TOX3: variants seen among roughly 807,000 people sequenced by gnomAD.
TOX3 encodes CAG trinucleotide repeat-containing gene F9 protein.
TOX3 carries 22 observed loss-of-function variants against 64.3 expected under a neutral mutation model. The ratio of observed to expected loss-of-function variants is 0.34; its 90% CI spans 0.24 to 0.49. The LOEUF is 0.49. Ranked by LOEUF, TOX3 falls within the 20% of genes least tolerant of loss-of-function variation. TOX3 has a pLI of 0.99. For synonymous variants in TOX3, 291 were observed against 273.6 expected (o/e 1.06, Z -0.63); for missense variants, 661 against 714.4 (o/e 0.93, Z 0.85).
Position 52,483,564 on chromosome 16 carries a change from G to GTTTTTTTT in TOX3, c.88-14998_88-14991dup, listed in dbSNP as rs11304815. 2.1e-4 allele frequency among the ~76,000 whole-genome samples: 21 copies of GTTTTTTTT among 99,442 alleles called. 1 individual carries two copies. The highest frequency in any genetic ancestry group is 3.2e-4 in the African/African-American group (8 of 24,714). The allele number at this position is 99,442 out of a possible 152,430, so 65.2% of individuals were successfully genotyped here. A position where few individuals can be genotyped will look rare whatever the true frequency, so the allele number is the denominator to read the frequency against. On this transcript the variant is annotated intron_variant, in intron 1 of 6. Transcript: ENST00000219746. ...TTCCTCTATTAGACAGGGCAGTTTG[G>GTTTTTTTT]TTTTTTTTTTTTTTTTTTTTTTGAG... is the stretch of plus-strand genomic sequence containing the variant.
At chr16:52,478,618 C>T (rs959682884) in intron 1 of TOX3, among the ~76,000 whole-genome samples, 2 of 152,148 alleles carry the variant, frequency 1.3e-5, no homozygotes, top group Non-Finnish European at 2.9e-5. Flanking sequence ...GAGTATCTGG[C>T]CCACAGGAGC....
At chr16:52,542,183 C>G (rs1963089128) in intron 1 of TOX3, among the ~76,000 whole-genome samples, 1 of 152,156 alleles carries the variant, frequency 6.6e-6, no homozygotes, top group Admixed American at 6.5e-5. Flanking sequence ...TGAAGCCAAC[C>G]ATTCTGTGGT....
intron 6 of TOX3, among the ~76,000 whole-genome samples, chr16:52,440,986 TCTC>T (rs774493220): frequency 2.6e-5 from 4 of 151,882 alleles, no homozygotes; most frequent in Non-Finnish European, 4.4e-5. Context: ...ATGGTCTTGA[TCTC>T]CTGACCTCGT....
chr16:52,473,467 T>A (rs183950452), intron 1 of TOX3, among the ~76,000 whole-genome samples: 2 of 152,296 alleles, frequency 1.3e-5, no homozygotes, highest in Non-Finnish European at 2.9e-5. Context: ...ATCTGTCAAG[T>A]CACTTACACA....
Position 52,439,796 on chromosome 16 carries a change from G to C in TOX3, c.1160C>G (p.Pro387Arg). Residue 387 changes from proline to arginine, a missense_variant, in exon 7 of 7, where the codon CCC (proline) becomes CGC (arginine). Transcript: ENST00000219746. Reference sequence around the variant, plus strand: ...GTTCATGGGGAGTCTCATGGTTAAGGGTTTGGGAGCGATTGACCTAGGGAG... The same window carrying C: ...GTTCATGGGGAGTCTCATGGTTAAGCGTTTGGGAGCGATTGACCTAGGGAG... ...QSLPRSIAPK[P>R]LTMRLPMNQI... 1.2e-6 allele frequency: 2 copies of C among 1,613,966 alleles called. No individual in the cohort carries two copies. The highest frequency in any genetic ancestry group is 8.5e-7 in the Non-Finnish European group (1 of 1,179,878).
rs754437974 is a variant in TOX3 at position 52,439,297 on chromosome 16, G to A, written c.1659C>T (p.Ala553=). The A allele has an allele frequency of 7.4e-6, 12 of 1,613,874 alleles. No individual in the cohort carries two copies. Among genetic ancestry groups the A allele is most frequent in the Non-Finnish European group, 1.0e-5 (12 of 1,179,870 alleles). Residue 553 remains alanine, a synonymous_variant, in exon 7 of 7, where the codon GCC becomes GCT. Transcript: ENST00000219746. ...GTATTTGCGACTGGTGCTGCTGAGA[G>A]GCTGGCTGGGGGCTCCCGATGGCAG... The part of the protein sequence containing the change: ...PIPAIGSPQP[A]SQQHQSQIQS...
intron 1 of TOX3, among the ~76,000 whole-genome samples, chr16:52,496,044 C>T (rs1567335239): frequency 1.3e-5 from 2 of 152,156 alleles, no homozygotes; most frequent in Non-Finnish European, 2.9e-5. Flanking sequence ...TTCTCTCATT[C>T]TTTCCTAACT....
intron 1 of TOX3, among the ~76,000 whole-genome samples, chr16:52,507,853 T>C (rs1218916154): frequency 6.6e-6 from 1 of 152,202 alleles, no homozygotes; most frequent in Non-Finnish European, 1.5e-5. Flanking sequence ...CTAGATTACA[T>C]TATTTGAAAG....
At position 52,533,120 on chromosome 16, in the gene TOX3, T is replaced by A. The variant is rs140806504; in HGVS notation, c.87+13517A>T. 4.1e-4 allele frequency among the ~76,000 whole-genome samples: 63 copies of A among 152,290 alleles called. No homozygotes were observed. The East Asian group carries it at 0.012, about 29-fold the overall frequency. ...AGGTAAAGATTACTTGTTTGAAGAA[T>A]CATTCAGAGAGATGTTGAAGACGAG... is the stretch of plus-strand genomic sequence containing the variant. On this transcript the variant is annotated intron_variant, in intron 1 of 6. Coordinates refer to ENST00000219746, the MANE Select transcript of TOX3 (RefSeq NM_001080430.4).
chr16:52,516,993 G>A (rs1194495463), intron 1 of TOX3, among the ~76,000 whole-genome samples: 1 of 151,980 alleles, frequency 6.6e-6, no homozygotes, highest in Non-Finnish European at 1.5e-5. Context: ...AGAACATCAT[G>A]GACACTCAAA....
chr16:52,546,766 C>A lies in TOX3; in HGVS notation c.-43G>T. 1 of 1,463,352 alleles carries A rather than the reference C, an allele frequency of 6.8e-7. No homozygotes were observed. The highest frequency in any genetic ancestry group is 9.0e-7 in the Non-Finnish European group (1 of 1,109,302). 90.6% of individuals were successfully genotyped at this position (1,463,352 alleles called of 1,614,324 possible). On this transcript the variant is annotated 5_prime_UTR_variant, in exon 1 of 7. Coordinates refer to ENST00000219746, the MANE Select transcript of TOX3 (RefSeq NM_001080430.4). Reference sequence around the variant, plus strand: ...GGCCGGGGGCCGGGACTGGGGTTCGCCGGGGCCGGGACCCGCCTCCTCGCC... The same window carrying A: ...GGCCGGGGGCCGGGACTGGGGTTCGACGGGGCCGGGACCCGCCTCCTCGCC...
chr16:52,451,521 C>T (rs1332970895), intron 3 of TOX3, among the ~76,000 whole-genome samples: 2 of 151,996 alleles, frequency 1.3e-5, no homozygotes, highest in East Asian at 1.9e-4. Context: ...TAAGACATGT[C>T]ATTTGGAGTG....
At chr16:52,479,404 G>A (rs747111452) in intron 1 of TOX3, among the ~76,000 whole-genome samples, 20 of 152,182 alleles carry the variant, frequency 1.3e-4, no homozygotes, top group African/African-American at 2.4e-4. Flanking sequence ...GGAGACTTGC[G>A]AATGTTTGCA....
Position 52,439,729 on chromosome 16 carries a change from C to T in TOX3, c.1227G>A (p.Ser409=), listed in dbSNP as rs979681217. 1.9e-5 allele frequency: 30 copies of T among 1,613,788 alleles called. No individual in the cohort carries two copies. The highest frequency in any genetic ancestry group is 4.0e-5 in the African/African-American group (3 of 74,892). Residue 409 remains serine, a synonymous_variant, in exon 7 of 7, where the codon TCG becomes TCA. Transcript: ENST00000219746. Reference sequence around the variant, plus strand: ...AGCTTATCAGTGGAGCCCCAATGTTCGAGGGCATGTTGGCTGCAATGGTGA... The same window carrying T: ...AGCTTATCAGTGGAGCCCCAATGTTTGAGGGCATGTTGGCTGCAATGGTGA... ...TSVTIAANMP[S]NIGAPLISSM...
At chr16:52,455,338 T>A (rs1228822651) in intron 3 of TOX3, among the ~76,000 whole-genome samples, 1 of 152,026 alleles carries the variant, frequency 6.6e-6, no homozygotes, top group East Asian at 1.9e-4. Flanking sequence ...TTTAGCAGCA[T>A]CTCTGGCCTC....
chr16:52,510,195 T>C (rs1012746459), intron 1 of TOX3, among the ~76,000 whole-genome samples: 4 of 152,088 alleles, frequency 2.6e-5, no homozygotes, highest in Non-Finnish European at 5.9e-5. Context: ...GCAAGGTGTT[T>C]TGTTTTTTTC....
rs373396902 is a variant in TOX3, at chr16:52,437,273, T to C, written c.*1952A>G. 2.6e-5 allele frequency: 4 copies of C among 152,356 alleles called. No individual in the cohort carries two copies. In the East Asian group the frequency reaches 7.7e-4, roughly 29 times the overall value. The allele number at this position is 152,356 out of a possible 1,614,324, so 9.4% of individuals were successfully genotyped here. A position where few individuals can be genotyped will look rare whatever the true frequency, so the allele number is the denominator to read the frequency against. On this transcript the variant is annotated 3_prime_UTR_variant, in exon 7 of 7. Transcript: ENST00000219746. ...CAGAGTAGGAGAGGATTATGAAATATTGAAAGCTGAATTCATTATTCATAA... is the reference window on the plus strand; with the variant it reads ...CAGAGTAGGAGAGGATTATGAAATACTGAAAGCTGAATTCATTATTCATAA...
At chr16:52,513,009 A>T (rs1042489073) in intron 1 of TOX3, among the ~76,000 whole-genome samples, 4 of 152,228 alleles carry the variant, frequency 2.6e-5, no homozygotes, top group African/African-American at 9.7e-5. Flanking sequence ...AAATACATGT[A>T]AGTACATAAT....
chr16:52,523,644 T>C (rs748404976), intron 1 of TOX3, among the ~76,000 whole-genome samples: 51 of 152,152 alleles, frequency 3.4e-4, no homozygotes, highest in Admixed American at 1.4e-3. Context: ...CTTACCTCAG[T>C]TTATTTATGG....
Sources: gnomAD v4.1 joint callset for allele counts (sites outside exome capture counted in the v4.1 genomes callset) on GRCh38, gnomAD v4.1.1 for gene constraint, MANE v1.5 for transcripts, NCBI Gene and HGNC (gene_info 2026-07-23, HGNC 2026-07-21) for gene names.